The following METAP1 variants were observed in gnomAD, a reference collection of about 807,000 sequenced individuals.
The protein encoded by METAP1 is methionyl aminopeptidase 1.
Under a neutral mutation model 53.8 loss-of-function variants are expected in METAP1, and 28 were observed. That is an observed-to-expected ratio of 0.52 (90% CI 0.39 to 0.71). The LOEUF is 0.71. METAP1 is among the 30% of genes least tolerant of loss of function. The pLI is 0.00. For synonymous variants in METAP1, 181 were observed against 165.7 expected, an observed-to-expected ratio of 1.09 and a Z score of -0.71; for missense variants, 389 against 479.8, an observed-to-expected ratio of 0.81 and a Z score of 1.77.
At chr4:99,005,639 A>C (rs1723140776) in intron 1 of METAP1, 1 of 263,682 alleles carries the variant, frequency 3.8e-6, no homozygotes. Context: ...ATCGCAGCAC[A>C]TTTCACAATT....
chr4:99,009,369 T>C (rs367887025), intron 1 of METAP1, among the ~76,000 whole-genome samples: 2 of 152,358 alleles, frequency 1.3e-5, no homozygotes, highest in African/African-American at 4.8e-5. Flanking sequence ...TTCAGTTCTT[T>C]TGGATCTATA....
chr4:99,039,572 C>G (rs1381596443), intron 5 of METAP1, 107 bp downstream of exon 5: 1 of 618,952 alleles, frequency 1.6e-6, no homozygotes, highest in African/African-American at 1.9e-5. Context: ...TATTGTTAGA[C>G]TGACCAGCCA....
intron 9 of METAP1, among the ~76,000 whole-genome samples, chr4:99,049,364 G>A (rs1726506416): frequency 6.6e-6 from 1 of 152,084 alleles, no homozygotes; most frequent in Non-Finnish European, 1.5e-5. Flanking sequence ...ACCTTATTTT[G>A]GCAAACAGTC....
At chr4:99,051,401 GT>G (rs935518738) in intron 9 of METAP1, among the ~76,000 whole-genome samples, 1 of 152,018 alleles carries the variant, frequency 6.6e-6, no homozygotes, top group Non-Finnish European at 1.5e-5. Flanking sequence ...ATTTTATATA[GT>G]TTTTTTGAGA....
At chr4:99,027,344 G>A (rs369173287) in intron 1 of METAP1, among the ~76,000 whole-genome samples, 23 of 152,314 alleles carry the variant, frequency 1.5e-4, no homozygotes, top group African/African-American at 5.1e-4. Context: ...ATGGGGAAAT[G>A]TGGATGTTTT....
At chr4:99,054,575 C>A (rs1303224481) in intron 9 of METAP1, among the ~76,000 whole-genome samples, 1 of 152,198 alleles carries the variant, frequency 6.6e-6, no homozygotes, top group African/African-American at 2.4e-5. Context: ...CAAGAACTTT[C>A]CCTCTGCATT....
chr4:99,057,352 T>C (rs913419375), intron 9 of METAP1, among the ~76,000 whole-genome samples: 3 of 152,358 alleles, frequency 2.0e-5, no homozygotes, highest in Admixed American at 2.0e-4. Context: ...ACATCTGTCA[T>C]TCTCCTTTGA....
intron 1 of METAP1, among the ~76,000 whole-genome samples, chr4:99,008,787 CTGTT>C (rs1723312933): frequency 6.6e-6 from 1 of 152,150 alleles, no homozygotes; most frequent in Non-Finnish European, 1.5e-5. Context: ...ATGTTAGCTG[CTGTT>C]TTTTATCTTT....
intron 5 of METAP1, 70 bp from the exon 6 acceptor site, chr4:99,040,972 CA>C: frequency 3.3e-6 from 3 of 907,056 alleles, no homozygotes; most frequent in Non-Finnish European, 4.9e-6. Flanking sequence ...CTTCCACAGT[CA>C]AACAGTAGAA....
chr4:99,018,923 T>G (rs892368695), intron 1 of METAP1, among the ~76,000 whole-genome samples: 4 of 152,198 alleles, frequency 2.6e-5, no homozygotes, highest in African/African-American at 9.7e-5. Flanking sequence ...ACTCCCTTGC[T>G]TTCCTTCTCT....
At chr4:99,015,363 C>T (rs1216110238) in intron 1 of METAP1, among the ~76,000 whole-genome samples, 1 of 152,150 alleles carries the variant, frequency 6.6e-6, no homozygotes, top group Non-Finnish European at 1.5e-5. Flanking sequence ...AGGGAGAAGG[C>T]GTATTTCAAA....
At chr4:99,024,048 C>T (rs1425590112) in intron 1 of METAP1, among the ~76,000 whole-genome samples, 2 of 152,192 alleles carry the variant, frequency 1.3e-5, no homozygotes, top group Non-Finnish European at 2.9e-5. Context: ...TCTACAAGCC[C>T]ACAGCCCGGC....
intron 1 of METAP1, among the ~76,000 whole-genome samples, chr4:99,006,047 A>C (rs898276975): frequency 1.3e-5 from 2 of 152,174 alleles, no homozygotes; most frequent in African/African-American, 4.8e-5. Flanking sequence ...GTACTTATAG[A>C]GAGTTTATGT....
At position 99,045,237 on chromosome 4, in the gene METAP1, TGGA is replaced by T; in HGVS notation, c.716_718del (p.Gly239del). 1.9e-6 allele frequency: 3 copies of T among 1,613,806 alleles called. No homozygotes were observed. The highest frequency in any genetic ancestry group is 1.7e-6 in the Non-Finnish European group (2 of 1,179,778). Reference sequence around the variant, plus strand: ...GGGACCTGAATGAGACATTTTTTGTTGGAGAAGTGGATGATGGAGCACGGAAAC... The same window carrying T: ...GGGACCTGAATGAGACATTTTTTGTTGAAGTGGATGATGGAGCACGGAAAC... On this transcript the variant is annotated inframe_deletion, in exon 8 of 11. Transcript: ENST00000296411.
intron 1 of METAP1, among the ~76,000 whole-genome samples, chr4:99,024,044 A>G (rs1724357802): frequency 6.6e-6 from 1 of 152,212 alleles, no homozygotes; most frequent in Admixed American, 6.5e-5. Context: ...GAAATCTACA[A>G]GCCCACAGCC....
rs544183609 is a variant in METAP1 at position 99,025,334 on chromosome 4, G to GT, written c.115-3530dup. ...TTGGTTAGGTCAGATCTCTTTCACTGTTTGAGTTATAATTTTGCAGTAGCG... is the reference window on the plus strand; with the variant it reads ...TTGGTTAGGTCAGATCTCTTTCACTGTTTTGAGTTATAATTTTGCAGTAGCG... On this transcript the variant is annotated intron_variant, in intron 1 of 10. Coordinates refer to ENST00000296411, the MANE Select transcript of METAP1 (RefSeq NM_015143.3). 4.1e-5 allele frequency: 40 copies of GT among 972,580 alleles called. No individual in the cohort carries two copies. In the East Asian group the frequency reaches 3.5e-3, roughly 86 times the overall value. The allele number at this position is 972,580 out of a possible 1,614,324, so 60.2% of individuals were successfully genotyped here. A position where few individuals can be genotyped will look rare whatever the true frequency, so the allele number is the denominator to read the frequency against.
chr4:99,018,659 G>A lies in METAP1; in HGVS notation c.115-10208G>A, dbSNP rs140991308. On this transcript the variant is annotated intron_variant, in intron 1 of 10. Transcript: ENST00000296411. ...AAGGTTAATATATGGATTTGTCATA[G>A]TAGCGTGAGTGGTTTGAACTATTTC... Among the ~76,000 whole-genome samples, 4 of 152,296 alleles carry A rather than the reference G, an allele frequency of 2.6e-5. No homozygotes were observed. In the East Asian group the frequency reaches 5.8e-4, roughly 22 times the overall value.
chr4:99,008,734 A>C (rs1723309324), intron 1 of METAP1, among the ~76,000 whole-genome samples: 1 of 152,186 alleles, frequency 6.6e-6, no homozygotes, highest in South Asian at 2.1e-4. Flanking sequence ...TGTGAGGATT[A>C]ATTCTCTGCC....
rs1727553943 is a variant in METAP1, at chr4:99,061,636, T to C, written c.*319T>C. ...CGCAAAACAGCCATCAAGAGCCATCTGCTTTCCAGGTGAACATTGGAAATG... is the reference window on the plus strand; with the variant it reads ...CGCAAAACAGCCATCAAGAGCCATCCGCTTTCCAGGTGAACATTGGAAATG... On this transcript the variant is annotated 3_prime_UTR_variant, in exon 11 of 11. Transcript: ENST00000296411. The C allele has an allele frequency of 4.9e-6, 1 of 202,372 alleles. No homozygotes were observed. Among genetic ancestry groups the C allele is most frequent in the African/African-American group, 2.3e-5 (1 of 43,472 alleles). The allele number at this position is 202,372 out of a possible 1,614,324, so 12.5% of individuals were successfully genotyped here. A position where few individuals can be genotyped will look rare whatever the true frequency, so the allele number is the denominator to read the frequency against.
Sources: gnomAD v4.1 joint callset for allele counts (sites outside exome capture counted in the v4.1 genomes callset) on GRCh38, gnomAD v4.1.1 for gene constraint, MANE v1.5 for transcripts, NCBI Gene and HGNC (gene_info 2026-07-23, HGNC 2026-07-21) for gene names.